Variants in PHF2 observed in about 807,000 individuals in gnomAD.
The protein encoded by PHF2 is PHD finger protein 2.
In PHF2, 27 loss-of-function variants were observed where a neutral mutation model predicts 120.5. The observed-to-expected ratio is 0.22, with a 90% CI of 0.17 to 0.31. The LOEUF is 0.31. Among genes scored for constraint, PHF2 ranks in the 10% least tolerant of loss-of-function variants. The pLI is 1.00. For synonymous variants in PHF2, 568 were observed against 592.5 expected (o/e 0.96, Z 0.60); for missense variants, 1,024 against 1,434.8 (o/e 0.71, Z 4.63).
At chr9:93,645,888 A>C (rs2398854) in intron 4 of PHF2, 99 bp downstream of exon 4, 23,730 of 1,358,788 alleles carry the variant, frequency 0.017, 263 homozygotes, top group Middle Eastern at 0.034. Flanking sequence ...GGCTGTGTCC[A>C]TGTGTGCCGT....
chr9:93,608,927 C>G (rs1486374465), intron 1 of PHF2, among the ~76,000 whole-genome samples: 1 of 151,144 alleles, frequency 6.6e-6, no homozygotes, highest in East Asian at 1.9e-4. Context: ...TAATATATAC[C>G]GTATTTGTTA....
intron 1 of PHF2, among the ~76,000 whole-genome samples, chr9:93,593,089 AAAAAAAAAAAAAAAAAAAAAAAG>A (rs1448594246): frequency 7.1e-5 from 3 of 42,442 alleles, no homozygotes; most frequent in Non-Finnish European, 1.4e-4. Flanking sequence ...TATGCCAAAA[AAAAAAAAAAAAAAAAAAAAAAAG>A]AAAAAAAAAG....
At position 93,677,633 on chromosome 9, in the gene PHF2, G is replaced by A; in HGVS notation, c.3248G>A (p.Gly1083Glu). 2 of 1,613,896 alleles carry A rather than the reference G, an allele frequency of 1.2e-6. No homozygotes were observed. The highest frequency in any genetic ancestry group is 1.7e-6 in the Non-Finnish European group (2 of 1,179,964). The change falls in exon 22 of 22, where the codon GGG becomes GAG. Residue 1083 changes from glycine (G) to glutamate (E), a missense_variant. Gly to Glu is a moderately conservative substitution (Grantham distance 98, BLOSUM62 -2). Coordinates refer to ENST00000359246, the MANE Select transcript of PHF2 (RefSeq NM_005392.4). The surrounding 1 kb of genome is among the most constrained non-coding windows in gnomAD (Gnocchi z 4.4). ...KGMATAKQRL[G>E]KILKIHRNGK... is the part of the protein sequence containing the mutation. ...ATGGCGACCGCCAAGCAGAGGCTTG[G>A]GAAAATTTTGAAAATTCATCGGAAC...
At chr9:93,630,086 T>C in intron 2 of PHF2, 31 bp downstream of exon 2, 1 of 1,601,750 alleles carries the variant, frequency 6.2e-7, no homozygotes. Context: ...GGCCATCTCT[T>C]GCGGAAGAGA....
At position 93,666,000 on chromosome 9, in the gene PHF2, T is replaced by G. The variant is rs1415441365; in HGVS notation, c.2127T>G (p.Asp709Glu). 1 of 1,613,436 alleles carries G rather than the reference T, an allele frequency of 6.2e-7. No individual in the cohort carries two copies. Among genetic ancestry groups the G allele is most frequent in the Admixed American group, 1.7e-5 (1 of 60,014 alleles). The stretch of plus-strand genomic sequence containing the variant: ...CTGCTGTGCTTTCAGTCTTGTTGGA[T>G]AAGAAGGCTGTGCTGCCCACGCCTG... ...APKRDLSFLL[D>E]KKAVLPTPVT... Residue 709 changes from aspartate to glutamate, a missense_variant, in exon 16 of 22, where the codon GAT (aspartate) becomes GAG (glutamate). Physicochemically the swap from Asp to Glu is conservative, Grantham distance 45. Coordinates refer to ENST00000359246, the MANE Select transcript of PHF2 (RefSeq NM_005392.4).
chr9:93,595,235 C>A (rs184604748), intron 1 of PHF2, among the ~76,000 whole-genome samples: 1 of 152,082 alleles, frequency 6.6e-6, no homozygotes, highest in Admixed American at 6.5e-5. Context: ...ACTTGGGTAC[C>A]TACTGATGCC....
In PHF2 at chr9:93,667,138, G is replaced by A. The variant is rs72747444; in HGVS notation, c.2246G>A (p.Arg749His). The change falls in exon 17 of 22, where the codon CGC becomes CAC. Residue 749 changes from arginine (R) to histidine (H), a missense_variant. Coordinates refer to ENST00000359246, the MANE Select transcript of PHF2 (RefSeq NM_005392.4). Reference sequence around the variant, plus strand: ...ATCGACACAGACACCAAGCCCGGCCGCAATGCCAGAGTCAAGAAGGAGAGT... The same window carrying A: ...ATCGACACAGACACCAAGCCCGGCCACAATGCCAGAGTCAAGAAGGAGAGT... ...LHIDTDTKPG[R>H]NARVKKESGS... is the part of the protein sequence containing the mutation. The A allele has an allele frequency of 7.4e-6, 12 of 1,613,086 alleles. No individual in the cohort carries two copies. Among genetic ancestry groups the A allele is most frequent in the East Asian group, 6.7e-5 (3 of 44,872 alleles).
chr9:93,648,410 C>T (rs1826299337), intron 4 of PHF2, among the ~76,000 whole-genome samples: 1 of 152,260 alleles, frequency 6.6e-6, no homozygotes, highest in Non-Finnish European at 1.5e-5. Flanking sequence ...TGCAGTGATG[C>T]AGACAAGGCC....
At chr9:93,659,193 G>A (rs1435018467) in intron 10 of PHF2, among the ~76,000 whole-genome samples, 2 of 152,222 alleles carry the variant, frequency 1.3e-5, no homozygotes, top group African/African-American at 2.4e-5. Flanking sequence ...AGTCCAGGGC[G>A]CCCCTGCCAC....
rs55647503 is a variant in PHF2 at position 93,627,492 on chromosome 9, A to ATTTTTTTTTTTTTTTTTTTTT, written c.99-2462_99-2461insTTTTTTTTTTTTTTTTTTTTT. Among the ~76,000 whole-genome samples, 815 of 107,964 alleles carry ATTTTTTTTTTTTTTTTTTTTT rather than the reference A, an allele frequency of 7.5e-3. 46 individuals carry two copies. Among genetic ancestry groups the ATTTTTTTTTTTTTTTTTTTTT allele is most frequent in the Middle Eastern group, 0.011 (2 of 178 alleles). 70.8% of individuals were successfully genotyped at this position (107,964 alleles called of 152,430 possible). ...CAATTCAGACTCCTTTTATTTCAGG[A>ATTTTTTTTTTTTTTTTTTTTT]TTTTTTTTTTTTTTTTGTCTAATTG... On this transcript the variant is annotated intron_variant, in intron 1 of 21. Coordinates refer to ENST00000359246, the MANE Select transcript of PHF2 (RefSeq NM_005392.4).
chr9:93,601,684 A>G (rs1381822242), intron 1 of PHF2, among the ~76,000 whole-genome samples: 1 of 151,966 alleles, frequency 6.6e-6, no homozygotes, highest in African/African-American at 2.4e-5. Flanking sequence ...GGTCTTGGGA[A>G]GGTGTGTGCA....
chr9:93,586,488 T>G (rs1863046541), intron 1 of PHF2, among the ~76,000 whole-genome samples: 1 of 152,188 alleles, frequency 6.6e-6, no homozygotes, highest in Admixed American at 6.5e-5. Context: ...AGAAGCCAGC[T>G]GGGGGAGGGC....
chr9:93,636,810 G>A (rs564327040), intron 3 of PHF2, among the ~76,000 whole-genome samples: 1 of 152,366 alleles, frequency 6.6e-6, no homozygotes, highest in African/African-American at 2.4e-5. Flanking sequence ...CTCCCAACCT[G>A]AGTATGCCCA....
At chr9:93,583,453 GT>G (rs1862971240) in intron 1 of PHF2, among the ~76,000 whole-genome samples, 1 of 152,186 alleles carries the variant, frequency 6.6e-6, no homozygotes, top group South Asian at 2.1e-4. Context: ...GGATCATATG[GT>G]AACTCTATGT....
intron 6 of PHF2, 76 bp from the exon 7 acceptor site, chr9:93,654,337 C>A: frequency 6.9e-7 from 1 of 1,444,820 alleles, no homozygotes; most frequent in South Asian, 1.2e-5. Flanking sequence ...GTACTTTTCA[C>A]GTTAGGACCT....
At chr9:93,671,208 G>A (rs915803111) in intron 17 of PHF2, 3 of 974,172 alleles carry the variant, frequency 3.1e-6, no homozygotes, top group African/African-American at 1.8e-5. Flanking sequence ...GTGGGAGTAG[G>A]CACAGGTGTA....
At chr9:93,658,863 G>C (rs890863082) in intron 10 of PHF2, among the ~76,000 whole-genome samples, 1 of 152,194 alleles carries the variant, frequency 6.6e-6, no homozygotes, top group African/African-American at 2.4e-5. Context: ...GCCACTTACT[G>C]TGTTGCTTAG....
intron 1 of PHF2, among the ~76,000 whole-genome samples, chr9:93,591,195 G>T (rs970299907): frequency 5.3e-5 from 8 of 152,202 alleles, no homozygotes; most frequent in African/African-American, 1.9e-4. Flanking sequence ...CATTTGTCTG[G>T]CCCTGACCGT....
At position 93,676,715 on chromosome 9, in the gene PHF2, C is replaced by T. The variant is rs770268896; in HGVS notation, c.2954C>T (p.Ser985Phe). The part of the protein sequence containing the change: ...GTTSTSTTPA[S>F]TTPASTTPAS... ...ACCTCCACCTCCACCACGCCAGCCT[C>T]TACCACCCCGGCCTCCACCACCCCG... is the stretch of plus-strand genomic sequence containing the variant. Residue 985 changes from serine to phenylalanine, a missense_variant, in exon 21 of 22, where the codon TCT becomes TTT. Coordinates refer to ENST00000359246, the MANE Select transcript of PHF2 (RefSeq NM_005392.4). 1 of 1,562,616 alleles carries T rather than the reference C, an allele frequency of 6.4e-7. No individual in the cohort carries two copies. The highest frequency in any genetic ancestry group is 8.7e-7 in the Non-Finnish European group (1 of 1,153,932).
Sources: allele counts gnomAD v4.1 joint callset (sites outside exome capture counted in the v4.1 genomes callset), GRCh38; gene constraint gnomAD v4.1.1; non-coding constraint Gnocchi (gnomAD v3.1); transcripts MANE v1.5; gene names NCBI Gene and HGNC (gene_info 2026-07-23, HGNC 2026-07-21).